Variants in PPM1H observed in about 807,000 individuals in gnomAD.
PPM1H encodes the protein protein phosphatase 1H.
Under a neutral mutation model 54.9 loss-of-function variants are expected in PPM1H, and 27 were observed. The ratio of observed to expected loss-of-function variants is 0.49; its 90% CI spans 0.36 to 0.68. PPM1H has a LOEUF of 0.68. Ranked by LOEUF, PPM1H falls within the 30% of genes least tolerant of loss-of-function variation. The pLI is 0.00. For missense variants in PPM1H, 596 were observed against 667.8 expected (o/e 0.89, Z 1.19); for synonymous variants, 305 against 270.8 (o/e 1.13, Z -1.24).
At chr12:62,764,658 T>C (rs951340301) in intron 4 of PPM1H, among the ~76,000 whole-genome samples, 2 of 152,130 alleles carry the variant, frequency 1.3e-5, no homozygotes, top group African/African-American at 2.4e-5. Context: ...TGCCAGGCAC[T>C]GTACTAGGCA....
chr12:62,822,288 C>G lies in PPM1H; in HGVS notation c.411+9826G>C, dbSNP rs563077082. Reference sequence around the variant, plus strand: ...TTAGGGACCTACAAAGAGACTTAGACTCCCACACAATAATAATGGGAGACT... The same window carrying G: ...TTAGGGACCTACAAAGAGACTTAGAGTCCCACACAATAATAATGGGAGACT... On this transcript the variant is annotated intron_variant, in intron 2 of 9. Transcript: ENST00000228705. Among the ~76,000 whole-genome samples, 4 of 152,288 alleles carry G rather than the reference C, an allele frequency of 2.6e-5. No individual in the cohort carries two copies. In the East Asian group the frequency reaches 7.7e-4, roughly 29 times the overall value.
At chr12:62,758,121 TC>T (rs1380300917) in intron 4 of PPM1H, among the ~76,000 whole-genome samples, 2 of 152,240 alleles carry the variant, frequency 1.3e-5, no homozygotes, top group Admixed American at 1.3e-4. Context: ...ACAATTACTT[TC>T]CTTCAATAAT....
chr12:62,747,620 G>A (rs563673006), intron 4 of PPM1H, among the ~76,000 whole-genome samples: 2 of 152,212 alleles, frequency 1.3e-5, no homozygotes, highest in Non-Finnish European at 2.9e-5. Context: ...CCTTCTTCAT[G>A]TAACCCTCAG....
intron 6 of PPM1H, among the ~76,000 whole-genome samples, chr12:62,711,360 G>T (rs923153897): frequency 6.6e-6 from 1 of 152,192 alleles, no homozygotes; most frequent in Non-Finnish European, 1.5e-5. Context: ...AATGATCTGT[G>T]GTGGGGATTG....
intron 4 of PPM1H, among the ~76,000 whole-genome samples, chr12:62,748,905 CA>C (rs1371617870): frequency 1.3e-5 from 2 of 152,172 alleles, no homozygotes; most frequent in Non-Finnish European, 2.9e-5. Flanking sequence ...GGGTCAGAAT[CA>C]GGTGATTTTA....
chr12:62,759,915 C>CCTGGGG (rs932805534), intron 4 of PPM1H, among the ~76,000 whole-genome samples: 3 of 151,566 alleles, frequency 2.0e-5, no homozygotes, highest in African/African-American at 7.3e-5. Context: ...TCTTCACTTT[C>CCTGGGG]CTGGGGGGCA....
At chr12:62,885,472 C>T (rs143064576) in intron 1 of PPM1H, among the ~76,000 whole-genome samples, 6 of 152,292 alleles carry the variant, frequency 3.9e-5, no homozygotes, top group Admixed American at 1.3e-4. Context: ...TACTCAGAGT[C>T]TACTGATGAG....
At chr12:62,775,301 G>T (rs11174640) in intron 4 of PPM1H, among the ~76,000 whole-genome samples, 19,202 of 152,158 alleles carry the variant, frequency 0.13, 1,588 homozygotes, top group Admixed American at 0.17. Context: ...CCGAGTTCAG[G>T]GGGCTTCACA....
chr12:62,662,450 C>T (rs2075890023), intron 9 of PPM1H, among the ~76,000 whole-genome samples: 1 of 152,220 alleles, frequency 6.6e-6, no homozygotes, highest in South Asian at 2.1e-4. Context: ...GACAGATGGT[C>T]TACCTTCACG....
chr12:62,649,610 T>C (rs2075805275), intron 9 of PPM1H, among the ~76,000 whole-genome samples: 1 of 152,212 alleles, frequency 6.6e-6, no homozygotes, highest in Admixed American at 6.5e-5. Flanking sequence ...GATGGACTAT[T>C]TTCTTAGTCT....
intron 4 of PPM1H, among the ~76,000 whole-genome samples, chr12:62,741,916 T>G (rs2076383300): frequency 6.6e-6 from 1 of 152,046 alleles, no homozygotes; most frequent in African/African-American, 2.4e-5. Flanking sequence ...GTAGCAATAT[T>G]ATATAACTTA....
chr12:62,903,759 A>G (rs1456511967), intron 1 of PPM1H, among the ~76,000 whole-genome samples: 2 of 152,236 alleles, frequency 1.3e-5, no homozygotes, highest in Non-Finnish European at 2.9e-5. Context: ...GTCTAAAAGA[A>G]TTGAACATTT....
At chr12:62,817,832 T>C (rs2076879993) in intron 2 of PPM1H, among the ~76,000 whole-genome samples, 1 of 152,184 alleles carries the variant, frequency 6.6e-6, no homozygotes. Flanking sequence ...TGCCTGGAGT[T>C]CCCACAGTGC....
chr12:62,662,280 A>G (rs2075888729), intron 9 of PPM1H, among the ~76,000 whole-genome samples: 1 of 152,254 alleles, frequency 6.6e-6, no homozygotes, highest in African/African-American at 2.4e-5. Flanking sequence ...TAATCATAGT[A>G]GAGAAAAATC....
intron 1 of PPM1H, among the ~76,000 whole-genome samples, chr12:62,845,210 T>C (rs998082330): frequency 1.1e-4 from 16 of 152,234 alleles, no homozygotes; most frequent in African/African-American, 3.9e-4. Flanking sequence ...CACTATCGGT[T>C]TGAAGCTACC....
chr12:62,811,771 C>T (rs2076836969), intron 2 of PPM1H, among the ~76,000 whole-genome samples: 1 of 152,222 alleles, frequency 6.6e-6, no homozygotes, highest in Admixed American at 6.5e-5. Flanking sequence ...TTTGCTTCCC[C>T]TTCCACCGTG....
At chr12:62,869,965 G>A (rs947099323) in intron 1 of PPM1H, among the ~76,000 whole-genome samples, 1 of 152,090 alleles carries the variant, frequency 6.6e-6, no homozygotes, top group African/African-American at 2.4e-5. Flanking sequence ...CTTCATCGAG[G>A]AGCAGGACCA....
chr12:62,696,185 C>T (rs762311158), intron 6 of PPM1H, among the ~76,000 whole-genome samples: 5 of 152,140 alleles, frequency 3.3e-5, no homozygotes, highest in African/African-American at 4.8e-5. Context: ...TATCACAAGC[C>T]GGGTCATTGA....
At chr12:62,744,168 A>C (rs1396193145) in intron 4 of PPM1H, among the ~76,000 whole-genome samples, 1 of 5,056 alleles carries the variant, frequency 2.0e-4, no homozygotes, top group Non-Finnish European at 3.9e-4. Context: ...TACAGTCATA[A>C]AAAAAAAAAA....
Sources: allele counts gnomAD v4.1 joint callset (sites outside exome capture counted in the v4.1 genomes callset), GRCh38; gene constraint gnomAD v4.1.1; transcripts MANE v1.5; gene names NCBI Gene and HGNC (gene_info 2026-07-23, HGNC 2026-07-21).